The following ARHGAP32 variants were observed in gnomAD, a reference collection of about 807,000 sequenced individuals.
ARHGAP32 encodes Rho GTPase activating protein 32.
In ARHGAP32, 51 loss-of-function variants were observed where a neutral mutation model predicts 186.5. The observed-to-expected ratio is 0.27, with a 90% CI of 0.22 to 0.35. The LOEUF is 0.35. Ranked by LOEUF, ARHGAP32 falls within the 10% of genes least tolerant of loss-of-function variation. The probability of loss-of-function intolerance (pLI) is 1.00; values close to 1 mark genes in which losing one functional copy is unlikely to be tolerated. For synonymous variants in ARHGAP32, 950 were observed against 964.3 expected (o/e 0.99, Z 0.27); for missense variants, 2,186 against 2,623.5 (o/e 0.83, Z 3.64).
intron 11 of ARHGAP32, among the ~76,000 whole-genome samples, chr11:129,021,417 A>T (rs1309892758): frequency 6.6e-6 from 1 of 152,080 alleles, no homozygotes; most frequent in Non-Finnish European, 1.5e-5. Flanking sequence ...TCTCTTCTCC[A>T]GGGTTAAAGA....
intron 1 of ARHGAP32, among the ~76,000 whole-genome samples, chr11:129,199,328 C>T (rs145497463): frequency 3.9e-4 from 59 of 152,330 alleles, no homozygotes; most frequent in African/African-American, 1.4e-3. Context: ...GTCTCCAGGT[C>T]ATGTCAGAGA....
chr11:129,224,009 A>G (rs1944747809), intron 1 of ARHGAP32, among the ~76,000 whole-genome samples: 1 of 152,228 alleles, frequency 6.6e-6, no homozygotes, highest in East Asian at 1.9e-4. Context: ...CTTCTTGAGT[A>G]CAAGTGAAGA....
intron 1 of ARHGAP32, among the ~76,000 whole-genome samples, chr11:129,278,639 G>C (rs1945565383): frequency 1.3e-5 from 2 of 152,118 alleles, no homozygotes; most frequent in Admixed American, 1.3e-4. Flanking sequence ...CAGTCAATCG[G>C]AAAGACGAGG....
intron 2 of ARHGAP32, among the ~76,000 whole-genome samples, chr11:129,144,359 G>A (rs1052179970): frequency 3.3e-5 from 5 of 152,066 alleles, no homozygotes; most frequent in African/African-American, 1.2e-4. Context: ...TGTGAATGCT[G>A]TTTAGTGGTT....
intron 1 of ARHGAP32, among the ~76,000 whole-genome samples, chr11:129,253,087 G>C (rs1945207666): frequency 6.6e-6 from 1 of 152,152 alleles, no homozygotes; most frequent in Admixed American, 6.6e-5. Context: ...AGACAAATTT[G>C]AGTGGTTTAA....
chr11:129,103,495 A>C (rs1364792882), intron 5 of ARHGAP32, among the ~76,000 whole-genome samples: 1 of 152,124 alleles, frequency 6.6e-6, no homozygotes, highest in Non-Finnish European at 1.5e-5. Context: ...CTCAGGAGAT[A>C]CCAGATGAGA....
intron 5 of ARHGAP32, among the ~76,000 whole-genome samples, chr11:129,115,083 A>C (rs1271617296): frequency 6.6e-6 from 1 of 152,084 alleles, no homozygotes; most frequent in African/African-American, 2.4e-5. Context: ...TTCATGTGTC[A>C]TACCTATGGG....
chr11:129,086,670 A>T (rs1941411023), intron 6 of ARHGAP32, among the ~76,000 whole-genome samples: 1 of 151,950 alleles, frequency 6.6e-6, no homozygotes, highest in Non-Finnish European at 1.5e-5. Flanking sequence ...AAATACAAAA[A>T]ATTAGCCGGG....
chr11:129,234,601 G>A (rs554937507), intron 1 of ARHGAP32, among the ~76,000 whole-genome samples: 2 of 152,124 alleles, frequency 1.3e-5, no homozygotes, highest in African/African-American at 2.4e-5. Flanking sequence ...TACATATACT[G>A]TTTTCTAGGT....
rs554199539 is a variant in ARHGAP32, at chr11:129,012,336, C to T, written c.1046-13868G>A. 1.1e-4 allele frequency among the ~76,000 whole-genome samples: 17 copies of T among 152,312 alleles called. No homozygotes were observed. The East Asian group carries it at 3.3e-3, about 29-fold the overall frequency. On this transcript the variant is annotated intron_variant, in intron 11 of 22. Transcript: ENST00000682385. ...TAAGAAGAAAAACCTGTAATGTCAA[C>T]TTTGACTTGGAAACATCAACATGAA...
chr11:129,148,667 C>G (rs1216385966), intron 2 of ARHGAP32, among the ~76,000 whole-genome samples: 1 of 152,108 alleles, frequency 6.6e-6, no homozygotes, highest in African/African-American at 2.4e-5. Flanking sequence ...AACGTAGGAG[C>G]CACTGGTGAC....
At chr11:129,221,364 G>T (rs949365748) in intron 1 of ARHGAP32, among the ~76,000 whole-genome samples, 1 of 151,952 alleles carries the variant, frequency 6.6e-6, no homozygotes, top group African/African-American at 2.4e-5. Flanking sequence ...AAATTTAAAA[G>T]AAATCAGACA....
At chr11:129,171,345 G>T (rs1409544728) in intron 1 of ARHGAP32, among the ~76,000 whole-genome samples, 1 of 152,158 alleles carries the variant, frequency 6.6e-6, no homozygotes, top group Non-Finnish European at 1.5e-5. Context: ...GTTAATTTTT[G>T]TATAAGGTGA....
At chr11:129,090,625 T>C (rs1941547211) in intron 6 of ARHGAP32, among the ~76,000 whole-genome samples, 1 of 152,138 alleles carries the variant, frequency 6.6e-6, no homozygotes, top group African/African-American at 2.4e-5. Context: ...AAGACTTTTA[T>C]TACAGCACAG....
At chr11:128,991,818 A>C (rs940741541) in intron 12 of ARHGAP32, among the ~76,000 whole-genome samples, 28 of 152,256 alleles carry the variant, frequency 1.8e-4, no homozygotes, top group Admixed American at 1.8e-3. Context: ...CCTTTAGATT[A>C]GAATATGGCT....
chr11:129,101,351 C>T (rs1941893332), intron 5 of ARHGAP32, among the ~76,000 whole-genome samples: 1 of 152,150 alleles, frequency 6.6e-6, no homozygotes, highest in African/African-American at 2.4e-5. Flanking sequence ...AGTAAGGGTC[C>T]TGAACTGGCC....
rs570773020 is a variant in ARHGAP32, at chr11:129,094,353, C to A, written c.445-646G>T. Among the ~76,000 whole-genome samples the A allele has an allele frequency of 1.9e-3, 295 of 152,104 alleles. 4 individuals carry two copies. Among genetic ancestry groups the A allele is most frequent in the Non-Finnish European group, 2.5e-3 (169 of 67,984 alleles). On this transcript the variant is annotated intron_variant, in intron 5 of 22. Transcript: ENST00000682385. Reference sequence around the variant, plus strand: ...TCATATACCTTATAAATATATAAACCTACTCTGTATCCACAAAGATTTGAA... The same window carrying A: ...TCATATACCTTATAAATATATAAACATACTCTGTATCCACAAAGATTTGAA...
intron 1 of ARHGAP32, among the ~76,000 whole-genome samples, chr11:129,247,969 C>A (rs937656196): frequency 1.3e-5 from 2 of 152,084 alleles, no homozygotes; most frequent in Non-Finnish European, 2.9e-5. Context: ...CAAACATCTT[C>A]CCCCTGAATT....
At position 129,255,208 on chromosome 11, in the gene ARHGAP32, A is replaced by G. The variant is rs530957532; in HGVS notation, c.-5+23938T>C. The stretch of plus-strand genomic sequence containing the variant: ...AGGGTAGGAAAAATAACAGAAGAGA[A>G]TAAACAAAGTCGAGTAACGACCCAC... On this transcript the variant is annotated intron_variant, in intron 1 of 6. Transcript: ENST00000525234. Among the ~76,000 whole-genome samples, 5 of 152,250 alleles carry G rather than the reference A, an allele frequency of 3.3e-5. No individual in the cohort carries two copies. In the East Asian group the frequency reaches 9.6e-4, roughly 29 times the overall value.
Sources: allele counts gnomAD v4.1 joint callset (sites outside exome capture counted in the v4.1 genomes callset), GRCh38; gene constraint gnomAD v4.1.1; transcripts MANE v1.5; gene names NCBI Gene and HGNC (gene_info 2026-07-23, HGNC 2026-07-21).